The following PSMA1 variants were observed in gnomAD, a reference collection of about 807,000 sequenced individuals.
PSMA1 encodes proteasome 20S subunit alpha 1.
Under a neutral mutation model 38.4 loss-of-function variants are expected in PSMA1, and 3 were observed. That is an observed-to-expected ratio of 0.08 (90% CI 0.04 to 0.20). The LOEUF (loss-of-function observed/expected upper bound fraction) is 0.20. PSMA1 is among the 10% of genes least tolerant of loss of function. PSMA1 has a pLI of 1.00. For missense variants in PSMA1, 227 were observed against 325.3 expected, an observed-to-expected ratio of 0.70 and a Z score of 2.32; for synonymous variants, 101 against 107.1, an observed-to-expected ratio of 0.94 and a Z score of 0.35.
chr11:14,595,378 T>G (rs1852474085), intron 2 of PSMA1, among the ~76,000 whole-genome samples: 1 of 152,168 alleles, frequency 6.6e-6, no homozygotes, highest in Admixed American at 6.5e-5. Context: ...ACCAACGGTG[T>G]AAAAGCATTA....
At chr11:14,590,142 G>C (rs1447805385) in intron 2 of PSMA1, among the ~76,000 whole-genome samples, 1 of 152,212 alleles carries the variant, frequency 6.6e-6, no homozygotes, top group Non-Finnish European at 1.5e-5. Context: ...ACCTAGAGTA[G>C]TCAAACTGAT....
intron 1 of PSMA1, among the ~76,000 whole-genome samples, chr11:14,628,132 C>T (rs1852939680): frequency 6.6e-6 from 1 of 152,148 alleles, no homozygotes; most frequent in Non-Finnish European, 1.5e-5. Context: ...TTGCATGCTC[C>T]ATCTAATGCC....
chr11:14,639,269 G>A (rs1479133432), intron 1 of PSMA1, among the ~76,000 whole-genome samples: 1 of 148,828 alleles, frequency 6.7e-6, no homozygotes, highest in Non-Finnish European at 1.5e-5. Flanking sequence ...TAGGAAAAAG[G>A]GTTCTTTTAG....
At chr11:14,596,065 A>G (rs1852488517) in intron 2 of PSMA1, among the ~76,000 whole-genome samples, 1 of 152,040 alleles carries the variant, frequency 6.6e-6, no homozygotes, top group Non-Finnish European at 1.5e-5. Flanking sequence ...GATGTGTGGT[A>G]TTATTTCTGA....
rs34292683 is a variant in PSMA1, at chr11:14,616,231, G to GTTTTTTTTTTTTTTTTTTTTT, written c.-165-5081_-165-5080insAAAAAAAAAAAAAAAAAAAAA. 3.9e-5 allele frequency among the ~76,000 whole-genome samples: 5 copies of GTTTTTTTTTTTTTTTTTTTTT among 126,686 alleles called. 1 individual carries two copies. The highest frequency in any genetic ancestry group is 5.0e-5 in the Non-Finnish European group (3 of 60,256). The allele number at this position is 126,686 out of a possible 152,430, so 83.1% of individuals were successfully genotyped here. A position where few individuals can be genotyped will look rare whatever the true frequency, so the allele number is the denominator to read the frequency against. On this transcript the variant is annotated intron_variant, in intron 1 of 10. Transcript: ENST00000418988. ...AGGTGAGAGTTGGAGGATCCCAACA[G>GTTTTTTTTTTTTTTTTTTTTT]TTTTTTTTTTTTTTTTTTTTGAGAC...
chr11:14,577,464 T>A (rs1200577080), intron 2 of PSMA1, among the ~76,000 whole-genome samples: 1 of 152,170 alleles, frequency 6.6e-6, no homozygotes, highest in African/African-American at 2.4e-5. Flanking sequence ...ACTTCCACTG[T>A]CATACTGTGA....
intron 2 of PSMA1, among the ~76,000 whole-genome samples, chr11:14,601,886 A>C (rs540075997): frequency 6.6e-6 from 1 of 152,326 alleles, no homozygotes; most frequent in Non-Finnish European, 1.5e-5. Flanking sequence ...ATGCATGAGA[A>C]AATCTTGTGA....
intron 1 of PSMA1, among the ~76,000 whole-genome samples, chr11:14,620,389 G>A (rs1852830075): frequency 6.6e-6 from 1 of 152,196 alleles, no homozygotes; most frequent in Admixed American, 6.5e-5. Context: ...CCACAGCAGT[G>A]TTGGGATGTT....
intron 2 of PSMA1, 34 bp downstream of exon 2, chr11:14,518,963 A>C: frequency 6.6e-7 from 1 of 1,513,180 alleles, no homozygotes; most frequent in Non-Finnish European, 9.0e-7. Flanking sequence ...ACAAAAAGCC[A>C]CTTCACAGAA....
chr11:14,593,915 A>T (rs922942594), intron 2 of PSMA1, among the ~76,000 whole-genome samples: 1 of 152,154 alleles, frequency 6.6e-6, no homozygotes. Context: ...TGCTTCCCTA[A>T]GCCAATTGCT....
intron 2 of PSMA1, among the ~76,000 whole-genome samples, chr11:14,578,013 G>T (rs1194839862): frequency 6.6e-6 from 1 of 151,064 alleles, no homozygotes; most frequent in African/African-American, 2.4e-5. Context: ...TCATAAGTGG[G>T]AGTTGAACAA....
intron 1 of PSMA1, among the ~76,000 whole-genome samples, chr11:14,618,817 C>T (rs1393600402): frequency 6.6e-6 from 1 of 152,218 alleles, no homozygotes; most frequent in Non-Finnish European, 1.5e-5. Flanking sequence ...GTAACAGTGA[C>T]ATTTGCTCAC....
chr11:14,611,066 C>G (rs1852702984), exon 2 of PSMA1: 1 of 1,457,274 alleles, frequency 6.9e-7, no homozygotes, highest in Admixed American at 1.7e-5. Context: ...CTTTTCCCAG[C>G]CTTGGAGGGC....
At chr11:14,512,205 T>C (rs1851355678) in intron 7 of PSMA1, among the ~76,000 whole-genome samples, 1 of 152,020 alleles carries the variant, frequency 6.6e-6, no homozygotes, top group Non-Finnish European at 1.5e-5. Flanking sequence ...AGAAACCCCG[T>C]CTCTACTAAA....
chr11:14,603,507 G>A (rs1201609365), intron 2 of PSMA1, among the ~76,000 whole-genome samples: 1 of 152,122 alleles, frequency 6.6e-6, no homozygotes, highest in African/African-American at 2.4e-5. Flanking sequence ...TATTGCACCC[G>A]ATGAGTCCAC....
intron 2 of PSMA1, among the ~76,000 whole-genome samples, chr11:14,583,982 C>T (rs1852310784): frequency 6.6e-6 from 1 of 152,280 alleles, no homozygotes; most frequent in South Asian, 2.1e-4. Flanking sequence ...AGTGATTATC[C>T]CCAGCAGAGC....
At chr11:14,590,689 A>G (rs974601065) in intron 2 of PSMA1, among the ~76,000 whole-genome samples, 1 of 152,186 alleles carries the variant, frequency 6.6e-6, no homozygotes, top group African/African-American at 2.4e-5. Context: ...ACTCCAAGAG[A>G]GATCGTAGCG....
intron 4 of PSMA1, among the ~76,000 whole-genome samples, chr11:14,517,298 A>G (rs1308570181): frequency 6.6e-6 from 1 of 152,250 alleles, no homozygotes; most frequent in Admixed American, 6.5e-5. Context: ...GAAGAAAACA[A>G]GCACAAAGAA....
intron 2 of PSMA1, among the ~76,000 whole-genome samples, chr11:14,597,816 C>T (rs973344655): frequency 7.2e-5 from 11 of 151,954 alleles, no homozygotes; most frequent in African/African-American, 1.7e-4. Flanking sequence ...GCTCTTGCTT[C>T]TCTAGTTCTT....
Sources: allele counts gnomAD v4.1 joint callset (sites outside exome capture counted in the v4.1 genomes callset), GRCh38; gene constraint gnomAD v4.1.1; transcripts MANE v1.5; gene names NCBI Gene and HGNC (gene_info 2026-07-23, HGNC 2026-07-21).